Variants in MID2 observed in about 807,000 individuals in gnomAD.
MID2 encodes midline 2, also known as probable E3 ubiquitin-protein ligase MID2.
In MID2, 13 loss-of-function variants were observed where a neutral mutation model predicts 46.1. That is an observed-to-expected ratio of 0.28 (90% CI 0.18 to 0.45). The LOEUF (loss-of-function observed/expected upper bound fraction) is 0.45, where lower values mean the gene tolerates loss of function less well. Ranked by LOEUF, MID2 falls within the 20% of genes least tolerant of loss-of-function variation. MID2 has a pLI of 1.00. For synonymous variants in MID2, 199 were observed against 212.3 expected (o/e 0.94, Z 0.55); for missense variants, 431 against 575.4 (o/e 0.75, Z 2.57).
chrX:107,834,234 A>G (rs73527019), intron 1 of MID2, among the ~76,000 whole-genome samples: 1,665 of 112,150 alleles, frequency 0.015, 27 homozygotes, highest in African/African-American at 0.051. Flanking sequence ...GGCACAAGGT[A>G]AAGAAAAGCC....
chrX:107,905,735 C>A, intron 5 of MID2, 109 bp downstream of exon 5: 1 of 666,520 alleles, frequency 1.5e-6, no homozygotes, highest in Non-Finnish European at 2.2e-6. Flanking sequence ...AAGATTTTAC[C>A]AGTTAAGTAG....
chrX:107,926,025 G>C, intron 8 of MID2, 69 bp from the exon 9 acceptor site: 1 of 828,254 alleles, frequency 1.2e-6, no homozygotes, highest in Non-Finnish European at 1.8e-6. Context: ...GATGATGCTG[G>C]TGGAAAAGGT....
chrX:107,892,369 C>T (rs1317446810), intron 3 of MID2, among the ~76,000 whole-genome samples: 1 of 112,024 alleles, frequency 8.9e-6, no homozygotes, highest in East Asian at 2.8e-4. Context: ...GTGGAACAGC[C>T]TGTGCAAACC....
At chrX:107,843,210 T>G (rs1191561726) in intron 2 of MID2, among the ~76,000 whole-genome samples, 1 of 112,259 alleles carries the variant, frequency 8.9e-6, no homozygotes, top group East Asian at 2.8e-4. Context: ...GTGTTGGGAC[T>G]ATAATAAGTC....
At chrX:107,882,416 G>A (rs1473350664) in intron 3 of MID2, among the ~76,000 whole-genome samples, 1 of 111,555 alleles carries the variant, frequency 9.0e-6, no homozygotes, top group African/African-American at 3.3e-5. Context: ...GGGTGAACAG[G>A]CAACCTACAG....
At chrX:107,825,861 C>A (rs899868777), upstream of MID2, 2 of 244,744 alleles carry the variant, frequency 8.2e-6, no homozygotes, top group African/African-American at 2.9e-5. Context: ...CAGGTTTCTC[C>A]GGTCACTCCT....
chrX:107,861,569 G>A (rs186422985), intron 3 of MID2, among the ~76,000 whole-genome samples: 122 of 111,748 alleles, frequency 1.1e-3, no homozygotes, highest in Non-Finnish European at 2.0e-3. Flanking sequence ...GCAGTGAGCC[G>A]AGATCGTGCC....
chrX:107,866,422 AACAC>A (rs57100746), intron 3 of MID2, among the ~76,000 whole-genome samples: 7,230 of 80,975 alleles, frequency 0.089, 306 homozygotes, highest in African/African-American at 0.092. Flanking sequence ...AGCCACTGAA[AACAC>A]ACACACACAC....
At chrX:107,855,405 A>C (rs1043089950) in intron 3 of MID2, among the ~76,000 whole-genome samples, 2 of 112,124 alleles carry the variant, frequency 1.8e-5, no homozygotes, top group African/African-American at 6.5e-5. Flanking sequence ...TCTCTTTCTC[A>C]AGAGCATGAA....
At chrX:107,847,457 T>C in intron 2 of MID2, among the ~76,000 whole-genome samples, 1 of 109,253 alleles carries the variant, frequency 9.2e-6, no homozygotes, top group Middle Eastern at 4.6e-3. Flanking sequence ...CCGGAGAGAG[T>C]CCATGCGGAA....
chrX:107,832,618 T>G (rs1159291113), intron 1 of MID2, among the ~76,000 whole-genome samples: 2 of 111,737 alleles, frequency 1.8e-5, no homozygotes, highest in African/African-American at 6.5e-5. Context: ...TACCTAGGAT[T>G]GCTCGGCTAA....
In MID2 at chrX:107,826,058, G is replaced by C. The variant is rs1313558054; in HGVS notation, c.-369G>C. 6.8e-6 allele frequency: 2 copies of C among 294,039 alleles called. No homozygotes were observed. Among genetic ancestry groups the C allele is most frequent in the African/African-American group, 2.8e-5 (1 of 36,289 alleles). 24.2% of individuals were successfully genotyped at this position (294,039 alleles called of 1,213,427 possible). A position where few individuals can be genotyped will look rare whatever the true frequency, so the allele number is the denominator to read the frequency against. On this transcript the variant is annotated 5_prime_UTR_variant, in exon 1 of 10. Coordinates refer to ENST00000262843, the MANE Select transcript of MID2 (RefSeq NM_012216.4). ...CCCACTCCGCCTCCCTTTTGGAAGGGATTGCCTTTTTTTTCCTCTGCGGCG... is the reference window on the plus strand; with the variant it reads ...CCCACTCCGCCTCCCTTTTGGAAGGCATTGCCTTTTTTTTCCTCTGCGGCG...
In MID2 at chrX:107,917,727, G is replaced by A. The variant is rs145307560; in HGVS notation, c.1423G>A (p.Gly475Arg). The change falls in exon 7 of 10, where the codon GGG becomes AGG. Residue 475 changes from glycine (G) to arginine (R), a missense_variant. Physicochemically the swap from Gly to Arg is moderately radical, Grantham distance 125. Transcript: ENST00000262843. ...KEAVSCSRLA[G>R]APRGLYNSVD... ...AGCAGTAAGCTGCTCAAGATTGGCC[G>A]GGGCGCCACGAGGCAAGTGTTTGTA... 9.1e-6 allele frequency: 11 copies of A among 1,210,504 alleles called. No individual in the cohort carries two copies. Among genetic ancestry groups the A allele is most frequent in the Non-Finnish European group, 1.2e-5 (11 of 894,212 alleles).
chrX:107,876,287 T>C lies in MID2; in HGVS notation c.816+21583T>C, dbSNP rs539291527. Reference sequence around the variant, plus strand: ...ACTTTCAGGAGATTCACTAAAGTACTATCTGGTCCCAGGGTCTGTTTCTGC... The same window carrying C: ...ACTTTCAGGAGATTCACTAAAGTACCATCTGGTCCCAGGGTCTGTTTCTGC... On this transcript the variant is annotated intron_variant, in intron 3 of 9. Transcript: ENST00000262843. 3.6e-5 allele frequency among the ~76,000 whole-genome samples: 4 copies of C among 111,420 alleles called. No homozygotes were observed. In the Admixed American group the frequency reaches 3.8e-4, roughly 11 times the overall value.
chrX:107,902,084 T>C (rs1056819609), intron 3 of MID2, among the ~76,000 whole-genome samples: 6 of 112,108 alleles, frequency 5.4e-5, no homozygotes, highest in Admixed American at 9.5e-5. Context: ...ATCTCATCCC[T>C]GCTATGTACT....
At position 107,926,756 on chromosome X, in the gene MID2, A is replaced by C. The variant is rs1191038276; in HGVS notation, c.1891A>C (p.Asn631His). The C allele has an allele frequency of 3.3e-6, 4 of 1,209,634 alleles. No homozygotes were observed. The highest frequency in any genetic ancestry group is 4.5e-6 in the Non-Finnish European group (4 of 894,923). The change falls in exon 10 of 10, where the codon AAT (asparagine) becomes CAT (histidine). Residue 631 changes from asparagine (N) to histidine (H), a missense_variant. Physicochemically the swap from Asn to His is moderately conservative, Grantham distance 68. Coordinates refer to ENST00000262843, the MANE Select transcript of MID2 (RefSeq NM_012216.4). ...NASSWVFSRC[N>H]SNFVVRHNNK... is the part of the protein sequence containing the mutation. ...CTCCTCATGGGTCTTCTCTCGCTGC[A>C]ATAGTAACTTCGTGGTGAGACACAA...
chrX:107,870,812 ATATC>A (rs1042263794), intron 3 of MID2, among the ~76,000 whole-genome samples: 3 of 92,377 alleles, frequency 3.2e-5, no homozygotes, highest in Admixed American at 1.2e-4. Flanking sequence ...ACTATTGTCT[ATATC>A]TATAAGTGTA....
rs1933261713 is a variant in MID2 at position 107,930,356 on chromosome X, C to A, written c.*3283C>A. 8.9e-6 allele frequency among the ~76,000 whole-genome samples: 1 copy of A among 111,906 alleles called. No homozygotes were observed. The highest frequency in any genetic ancestry group is 3.2e-5 in the African/African-American group (1 of 30,834). On this transcript the variant is annotated 3_prime_UTR_variant, in exon 10 of 10. Coordinates refer to ENST00000262843, the MANE Select transcript of MID2 (RefSeq NM_012216.4). The stretch of plus-strand genomic sequence containing the variant: ...ATGATCATTGTCCTCCTCAAAAACT[C>A]TTTGGCAGTTATCTTGGGGAAATGT...
In MID2 at chrX:107,880,427, T is replaced by A. The variant is rs1932293955; in HGVS notation, c.817-23531T>A. Among the ~76,000 whole-genome samples, 4 of 111,138 alleles carry A rather than the reference T, an allele frequency of 3.6e-5. No individual in the cohort carries two copies. In the South Asian group the frequency reaches 1.5e-3, roughly 43 times the overall value. On this transcript the variant is annotated intron_variant, in intron 3 of 9. Transcript: ENST00000262843. ...ATGAGTCACTGTGCCTAGCTTAGGGTTTTCCAAAGGTAGTTTGGGGGAAGG... is the reference window on the plus strand; with the variant it reads ...ATGAGTCACTGTGCCTAGCTTAGGGATTTCCAAAGGTAGTTTGGGGGAAGG...
Sources: gnomAD v4.1 joint callset for allele counts (sites outside exome capture counted in the v4.1 genomes callset) on GRCh38, gnomAD v4.1.1 for gene constraint, MANE v1.5 for transcripts, NCBI Gene and HGNC (gene_info 2026-07-23, HGNC 2026-07-21) for gene names.